The following WDPCP variants were observed in gnomAD, a reference collection of about 807,000 sequenced individuals.
WDPCP encodes the protein WD repeat-containing and planar cell polarity effector protein fritz homolog.
A neutral mutation model predicts 93.1 loss-of-function variants in WDPCP; 71 were observed. That is an observed-to-expected ratio of 0.76 (90% CI 0.63 to 0.93). The LOEUF is 0.93. Ranked by LOEUF, WDPCP falls within the 40% of genes least tolerant of loss-of-function variation. The pLI is 0.00. For missense variants in WDPCP, 844 were observed against 887.4 expected, an observed-to-expected ratio of 0.95 and a Z score of 0.62; for synonymous variants, 315 against 315.0, an observed-to-expected ratio of 1.00 and a Z score of 0.00.
At chr2:63,729,217 A>G (rs1575759673) in intron 2 of WDPCP, among the ~76,000 whole-genome samples, 4 of 152,236 alleles carry the variant, frequency 2.6e-5, no homozygotes, top group South Asian at 2.1e-4. Context: ...AAAAGGAAAC[A>G]TAGGATTCTG....
chr2:63,189,232 G>A (rs1031821917), intron 14 of WDPCP, among the ~76,000 whole-genome samples: 2 of 152,138 alleles, frequency 1.3e-5, no homozygotes, highest in African/African-American at 2.4e-5. Flanking sequence ...TATGCAAACT[G>A]TCATTCTCAT....
intron 6 of WDPCP, among the ~76,000 whole-genome samples, chr2:63,444,679 T>G (rs904453538): frequency 6.6e-6 from 1 of 152,116 alleles, no homozygotes; most frequent in African/African-American, 2.4e-5. Context: ...CTGAAGCAGA[T>G]CTGAACTGAA....
intron 15 of WDPCP, among the ~76,000 whole-genome samples, chr2:63,156,599 G>A (rs140389360): frequency 2.3e-3 from 348 of 152,060 alleles, no homozygotes; most frequent in Middle Eastern, 6.8e-3. Flanking sequence ...TTAGCCAGGC[G>A]TGGTGGCATG....
intron 15 of WDPCP, among the ~76,000 whole-genome samples, chr2:63,174,123 C>A (rs547859655): frequency 1.3e-5 from 2 of 152,054 alleles, no homozygotes; most frequent in African/African-American, 2.4e-5. Flanking sequence ...AGCTTGCTGA[C>A]CCTTGCTTGA....
At chr2:63,620,950 CA>C (rs1245220927) in intron 3 of WDPCP, among the ~76,000 whole-genome samples, 1 of 152,178 alleles carries the variant, frequency 6.6e-6, no homozygotes, top group African/African-American at 2.4e-5. Context: ...GGAAAACTAA[CA>C]AACAGAAAAC....
intron 12 of WDPCP, among the ~76,000 whole-genome samples, chr2:63,365,710 C>G (rs1690851847): frequency 6.6e-6 from 1 of 152,134 alleles, no homozygotes; most frequent in Non-Finnish European, 1.5e-5. Flanking sequence ...ACAACTGCCA[C>G]AATGGCTCAA....
chr2:63,769,551 T>C (rs545039372), intron 2 of WDPCP, among the ~76,000 whole-genome samples: 8 of 152,096 alleles, frequency 5.3e-5, no homozygotes, highest in East Asian at 1.9e-4. Context: ...CTTTCTTGTA[T>C]TGGCCTCGTG....
chr2:63,794,608 C>G (rs1670589929), intron 2 of WDPCP, among the ~76,000 whole-genome samples: 1 of 152,186 alleles, frequency 6.6e-6, no homozygotes, highest in Non-Finnish European at 1.5e-5. Context: ...CTGATATTAT[C>G]TTGGGTTCTT....
At chr2:63,545,962 G>C (rs1005258765) in intron 1 of WDPCP, among the ~76,000 whole-genome samples, 13 of 152,140 alleles carry the variant, frequency 8.5e-5, no homozygotes, top group African/African-American at 2.7e-4. Flanking sequence ...GACTGATGCA[G>C]GGTCTTGCTC....
Position 63,309,068 on chromosome 2 carries a change from A to G in WDPCP, c.1812+4180T>C, listed in dbSNP as rs147139899. On this transcript the variant is annotated intron_variant, in intron 13 of 17. Transcript: ENST00000272321. Reference sequence around the variant, plus strand: ...AGTGTGAGCTAAATATTGGGTACACATGGACATAAAGATGGAAATAACAGA... The same window carrying G: ...AGTGTGAGCTAAATATTGGGTACACGTGGACATAAAGATGGAAATAACAGA... Among the ~76,000 whole-genome samples, 16 of 152,322 alleles carry G rather than the reference A, an allele frequency of 1.1e-4. No individual in the cohort carries two copies. In the East Asian group the frequency reaches 2.9e-3, roughly 28 times the overall value.
chr2:63,588,125 G>A (rs1436170257), intron 1 of WDPCP, 72 bp downstream of exon 1: 2 of 1,517,264 alleles, frequency 1.3e-6, no homozygotes, highest in Admixed American at 2.0e-5. Flanking sequence ...AAAGCAAAGC[G>A]GGACGGCGCA....
chr2:63,473,622 AC>A (rs569117803), intron 6 of WDPCP, among the ~76,000 whole-genome samples: 123 of 152,320 alleles, frequency 8.1e-4, no homozygotes, highest in Non-Finnish European at 1.5e-3. Flanking sequence ...AAAGTCAGGT[AC>A]CACATAGCCA....
chr2:63,774,560 T>C (rs1331404145), intron 2 of WDPCP, among the ~76,000 whole-genome samples: 4 of 152,282 alleles, frequency 2.6e-5, no homozygotes, highest in Admixed American at 6.5e-5. Flanking sequence ...TTTAATGTTC[T>C]ACTGCTATTT....
intron 6 of WDPCP, among the ~76,000 whole-genome samples, chr2:63,452,492 A>G (rs2105659716): frequency 6.6e-6 from 1 of 152,364 alleles, no homozygotes; most frequent in Non-Finnish European, 1.5e-5. Context: ...AGGAAGAATC[A>G]ATATCGTGAA....
intron 3 of WDPCP, chr2:63,597,834 A>G: frequency 4.2e-6 from 1 of 236,064 alleles, no homozygotes; most frequent in Non-Finnish European, 8.0e-6. Context: ...TTAAACATAT[A>G]GAGAAGGCAC....
chr2:63,567,512 GC>G (rs1195921869), intron 1 of WDPCP, among the ~76,000 whole-genome samples: 1 of 152,068 alleles, frequency 6.6e-6, no homozygotes, highest in Non-Finnish European at 1.5e-5. Flanking sequence ...CTTCTCTTGA[GC>G]CCCCAATACG....
At chr2:63,780,496 C>A (rs566037773) in intron 2 of WDPCP, among the ~76,000 whole-genome samples, 2 of 152,114 alleles carry the variant, frequency 1.3e-5, no homozygotes, top group Non-Finnish European at 2.9e-5. Flanking sequence ...CCAAGCTGAA[C>A]ATTATTATCC....
intron 6 of WDPCP, chr2:63,442,097 C>G (rs150747142): frequency 6.6e-6 from 1 of 152,158 alleles, no homozygotes; most frequent in Admixed American, 6.5e-5. Context: ...ACAACTTCAA[C>G]AGTCACCCCA....
intron 6 of WDPCP, among the ~76,000 whole-genome samples, chr2:63,472,520 T>A (rs2105829247): frequency 6.6e-6 from 1 of 152,284 alleles, no homozygotes; most frequent in South Asian, 2.1e-4. Context: ...AATGTATTAA[T>A]TTTTCTATTT....
Sources: gnomAD v4.1 joint callset for allele counts (sites outside exome capture counted in the v4.1 genomes callset) on GRCh38, gnomAD v4.1.1 for gene constraint, MANE v1.5 for transcripts, NCBI Gene and HGNC (gene_info 2026-07-23, HGNC 2026-07-21) for gene names.